The following OFD1 variants were observed in gnomAD, a reference collection of about 807,000 sequenced individuals.
OFD1 encodes centriole and centriolar satellite protein OFD1.
Under a neutral mutation model 81.4 loss-of-function variants are expected in OFD1, and 12 were observed. The observed-to-expected ratio is 0.15, with a 90% CI of 0.09 to 0.24. The LOEUF is 0.24. Ranked by LOEUF, OFD1 falls within the 10% of genes least tolerant of loss-of-function variation. The pLI is 1.00. For synonymous variants in OFD1, 256 were observed against 263.7 expected (o/e 0.97, Z 0.28); for missense variants, 685 against 733.9 (o/e 0.93, Z 0.77).
At chrX:13,757,395 A>T (rs1484149612) in intron 13 of OFD1, among the ~76,000 whole-genome samples, 2 of 111,508 alleles carry the variant, frequency 1.8e-5, no homozygotes, top group African/African-American at 6.5e-5. Context: ...CTTTCAGGTT[A>T]ATTTGAGAAT....
chrX:13,732,815 T>C (rs1404598367), upstream of OFD1, among the ~76,000 whole-genome samples: 1 of 112,865 alleles, frequency 8.9e-6, no homozygotes, highest in East Asian at 2.8e-4. Flanking sequence ...AAGACATCCA[T>C]TTTTGTAGCA....
At position 13,735,023 on chromosome X, in the gene OFD1, G is replaced by C. The variant is rs1404419606; in HGVS notation, c.-49G>C. 4.2e-6 allele frequency: 5 copies of C among 1,177,895 alleles called. No individual in the cohort carries two copies. The highest frequency in any genetic ancestry group is 5.9e-4 in the Middle Eastern group (2 of 3,395). On this transcript the variant is annotated 5_prime_UTR_variant, in exon 1 of 23. Coordinates refer to ENST00000340096, the MANE Select transcript of OFD1 (RefSeq NM_003611.3). ...ACCGCCCGGGCTGGGCACTAAACTC[G>C]GGCCGCGGCGGGGCGAGCGAGGCGG...
At chrX:13,769,019 C>T in intron 22 of OFD1, 47 bp from the exon 23 acceptor site, 2 of 1,026,680 alleles carry the variant, frequency 1.9e-6, no homozygotes, top group Middle Eastern at 2.5e-4. Context: ...AGCAAATAAA[C>T]TTGACACAAA....
downstream of OFD1, chrX:13,773,676 C>G (rs140721988): frequency 1.8e-5 from 2 of 111,261 alleles, no homozygotes; most frequent in African/African-American, 6.5e-5. Flanking sequence ...ACACTTGATG[C>G]GGCAAACACT....
intron 22 of OFD1, 54 bp from the exon 23 acceptor site, chrX:13,769,011 CA>C: frequency 5.2e-6 from 5 of 956,479 alleles, no homozygotes; most frequent in South Asian, 1.9e-5. Flanking sequence ...ATGAAGATAG[CA>C]AATAAACTTG....
intron 12 of OFD1, among the ~76,000 whole-genome samples, chrX:13,756,206 A>G (rs750309082): frequency 9.0e-6 from 1 of 111,139 alleles, no homozygotes; most frequent in Non-Finnish European, 1.9e-5. Flanking sequence ...CTCTTGCCTC[A>G]GCCTCCCAAA....
intron 8 of OFD1, among the ~76,000 whole-genome samples, chrX:13,748,646 A>T (rs994866497): frequency 9.0e-5 from 10 of 111,728 alleles, no homozygotes; most frequent in African/African-American, 3.3e-4. Context: ...ACACAAATGG[A>T]AGGATGGCCC....
the OFD1 span, chrX:13,720,631 A>G: frequency 8.9e-6 from 1 of 112,254 alleles, no homozygotes; most frequent in African/African-American, 3.2e-5. Context: ...CTCTTTATAT[A>G]CCAATTTATA....
chrX:13,762,240 G>A, intron 17 of OFD1, 104 bp from the exon 18 acceptor site: 1 of 552,289 alleles, frequency 1.8e-6, no homozygotes, highest in African/African-American at 2.3e-5. Flanking sequence ...AAGAGAAAGG[G>A]AATTTTGTAG....
chrX:13,769,386 G>A, downstream of OFD1: 5 of 309,331 alleles, frequency 1.6e-5, no homozygotes, highest in South Asian at 2.6e-4. Flanking sequence ...TTATAAATGA[G>A]TATAACCTAT....
chrX:13,755,512 G>A (rs988704107), intron 12 of OFD1, among the ~76,000 whole-genome samples: 3 of 111,604 alleles, frequency 2.7e-5, no homozygotes, highest in Non-Finnish European at 5.6e-5. Context: ...TTCTGTGACT[G>A]CAGGTTCCTG....
chrX:13,747,086 G>A, intron 8 of OFD1, 133 bp downstream of exon 8: 1 of 591,444 alleles, frequency 1.7e-6, no homozygotes, highest in Non-Finnish European at 2.9e-6. Context: ...GGCCAAGAGT[G>A]CAAATAGAAG....
At chrX:13,768,306 G>A (rs772419122) in intron 21 of OFD1, 82 bp downstream of exon 21, 21 of 748,231 alleles carry the variant, frequency 2.8e-5, no homozygotes, top group South Asian at 4.3e-5. Flanking sequence ...ACGGGAATCC[G>A]TCTTCTCCAT....
intron 20 of OFD1, 46 bp downstream of exon 20, chrX:13,767,330 A>T (rs1302417626): frequency 1.7e-6 from 2 of 1,165,322 alleles, no homozygotes; most frequent in Non-Finnish European, 2.3e-6. Flanking sequence ...TCCATTGTAC[A>T]CCTTTCGTAA....
At chrX:13,754,811 A>C (rs934577103) in intron 11 of OFD1, among the ~76,000 whole-genome samples, 1 of 113,107 alleles carries the variant, frequency 8.8e-6, no homozygotes, top group Non-Finnish European at 1.9e-5. Flanking sequence ...CTTGTGTTAG[A>C]TGAAGTGAAA....
Position 13,735,350 on chromosome X carries a change from T to C in OFD1, c.111+4T>C, listed in dbSNP as rs1448646054. ...GGGTATACTGGATACACTCAAGGTA[T>C]CGGATTTAGGCGTATCTGTGTCAGC... On this transcript the variant is annotated splice_donor_region_variant and intron_variant, in intron 2 of 22. Transcript: ENST00000340096. 1 of 1,176,979 alleles carries C rather than the reference T, an allele frequency of 8.5e-7. No homozygotes were observed. The highest frequency in any genetic ancestry group is 1.8e-5 in the South Asian group (1 of 56,274).
At chrX:13,767,771 C>T in intron 20 of OFD1, 2 of 290,435 alleles carry the variant, frequency 6.9e-6, no homozygotes, top group Non-Finnish European at 6.2e-6. Context: ...CCACTTAACA[C>T]ACCTGCTAAG....
rs1183295175 is a variant in OFD1 at position 13,760,608 on chromosome X, A to G, written c.2148A>G (p.Ala716=). 3.3e-6 allele frequency: 4 copies of G among 1,209,312 alleles called. No homozygotes were observed. The highest frequency in any genetic ancestry group is 3.5e-5 in the South Asian group (2 of 56,691). ...AAGAAAGGAATGACGTCGTGGAAGC[A>G]CTGACAGGCAGTGCAGCCTCGAGGC... is the stretch of plus-strand genomic sequence containing the variant. ...TLEERNDVVE[A]LTGSAASRLR... The change falls in exon 16 of 23, where the codon GCA becomes GCG. Residue 716 remains alanine (A), a synonymous_variant. Coordinates refer to ENST00000340096, the MANE Select transcript of OFD1 (RefSeq NM_003611.3).
At chrX:13,721,832 C>T in the OFD1 span, 1 of 110,239 alleles carries the variant, frequency 9.1e-6, no homozygotes, top group Admixed American at 9.7e-5. Flanking sequence ...CCTTGCCCAT[C>T]ATTTTGCGAC....
Sources: allele counts gnomAD v4.1 joint callset (sites outside exome capture counted in the v4.1 genomes callset), GRCh38; gene constraint gnomAD v4.1.1; transcripts MANE v1.5; gene names NCBI Gene and HGNC (gene_info 2026-07-23, HGNC 2026-07-21).